The following HSPA13 variants were observed in gnomAD, a reference collection of about 807,000 sequenced individuals.
HSPA13 encodes heat shock 70 kDa protein 13.
Under a neutral mutation model 38.8 loss-of-function variants are expected in HSPA13, and 29 were observed. The ratio of observed to expected loss-of-function variants is 0.75; its 90% CI spans 0.56 to 1.02. HSPA13 has a LOEUF of 1.02. Ranked by LOEUF, HSPA13 falls within the 50% of genes least tolerant of loss-of-function variation. HSPA13 has a pLI of 0.00. For synonymous variants in HSPA13, 192 were observed against 205.3 expected (o/e 0.94, Z 0.56); for missense variants, 451 against 560.9 (o/e 0.80, Z 1.98).
intron 2 of HSPA13, 32 bp from the exon 3 acceptor site, chr21:14,378,444 A>G (rs1324880506): frequency 7.1e-7 from 1 of 1,403,404 alleles, no homozygotes; most frequent in East Asian, 2.3e-5. Flanking sequence ...AAGTAAATAA[A>G]TAAAAGAGTA....
chr21:14,378,432 A>G lies in HSPA13; in HGVS notation c.367-20T>C. ...TAAAACCTGTGAATAGGATTTGCAA[A>G]TAAGTAAATAAATAAAAGAGTAAAA... On this transcript the variant is annotated intron_variant, in intron 2 of 4. Coordinates refer to ENST00000285667, the MANE Select transcript of HSPA13 (RefSeq NM_006948.5). 1.3e-6 allele frequency: 2 copies of G among 1,487,708 alleles called. No homozygotes were observed. The highest frequency in any genetic ancestry group is 1.9e-6 in the Non-Finnish European group (2 of 1,065,914). The allele number at this position is 1,487,708 out of a possible 1,614,324, so 92.2% of individuals were successfully genotyped here.
In HSPA13 at chr21:14,381,183, A is replaced by C; in HGVS notation, c.366+20T>G. 1 of 1,538,830 alleles carries C rather than the reference A, an allele frequency of 6.5e-7. No individual in the cohort carries two copies. Among genetic ancestry groups the C allele is most frequent in the Non-Finnish European group, 8.8e-7 (1 of 1,132,916 alleles). On this transcript the variant is annotated intron_variant, in intron 2 of 4. Coordinates refer to ENST00000285667, the MANE Select transcript of HSPA13 (RefSeq NM_006948.5). The stretch of plus-strand genomic sequence containing the variant: ...AAAGAGTACACTAAAATTAATATAG[A>C]TTTTAGATTAATCACTTACCTTAAA...
intron 3 of HSPA13, among the ~76,000 whole-genome samples, chr21:14,376,269 C>T (rs1366174166): frequency 2.0e-5 from 3 of 152,034 alleles, no homozygotes; most frequent in Non-Finnish European, 4.4e-5. Flanking sequence ...AAAAATGAGC[C>T]GGGCGTGGTG....
In HSPA13 at chr21:14,373,680, C is replaced by G; in HGVS notation, c.1353G>C (p.Trp451Cys). ...TTTCTAAAGCACTGACTTGGAGAGG[C>G]CAAGAGCCTCCATCAATCCCTGCTT... ...AIQAGIDGGSWPLQVSALEIP... is the reference protein window; with the variant it reads ...AIQAGIDGGSCPLQVSALEIP... The change falls in exon 5 of 5, where the codon TGG (tryptophan) becomes TGC (cysteine). Residue 451 changes from tryptophan to cysteine, a missense_variant. Physicochemically the swap from Trp to Cys is radical, Grantham distance 215 (BLOSUM62 -2). Transcript: ENST00000285667. 1 of 1,614,106 alleles carries G rather than the reference C, an allele frequency of 6.2e-7. No homozygotes were observed. Among genetic ancestry groups the G allele is most frequent in the Non-Finnish European group, 8.5e-7 (1 of 1,180,020 alleles).
intron 1 of HSPA13, 138 bp from the exon 2 acceptor site, chr21:14,381,681 TG>T: frequency 3.3e-6 from 2 of 600,840 alleles, no homozygotes; most frequent in Non-Finnish European, 5.4e-6. Flanking sequence ...ATAGGACTGC[TG>T]ATAGCACTCC....
At chr21:14,375,887 A>T (rs1984008453) in intron 3 of HSPA13, 68 bp from the exon 4 acceptor site, 1 of 1,298,222 alleles carries the variant, frequency 7.7e-7, no homozygotes, top group Admixed American at 1.8e-5. Context: ...TCCCACTTAC[A>T]GCATGTTTGT....
intron 4 of HSPA13, 31 bp downstream of exon 4, chr21:14,375,621 T>C (rs1362230244): frequency 1.3e-6 from 2 of 1,596,318 alleles, no homozygotes; most frequent in Admixed American, 1.7e-5. Flanking sequence ...CGTGAGCCAC[T>C]GCGCCCAGCC....
rs1466246856 is a variant in HSPA13, at chr21:14,372,803, T to G, written c.*814A>C. ...AAGGTCTCGGATAACAAAAATAAGA[T>G]AGCAATCATGGCTTTATTATGACAT... On this transcript the variant is annotated 3_prime_UTR_variant, in exon 5 of 5. Coordinates refer to ENST00000285667, the MANE Select transcript of HSPA13 (RefSeq NM_006948.5). The G allele has an allele frequency of 6.6e-6, 1 of 152,134 alleles. No homozygotes were observed. Among genetic ancestry groups the G allele is most frequent in the African/African-American group, 2.4e-5 (1 of 41,440 alleles). The allele number at this position is 152,134 out of a possible 1,614,324, so 9.4% of individuals were successfully genotyped here.
In HSPA13 at chr21:14,373,951, A is replaced by G. The variant is rs1205509951; in HGVS notation, c.1082T>C (p.Phe361Ser). 3 of 1,614,070 alleles carry G rather than the reference A, an allele frequency of 1.9e-6. No individual in the cohort carries two copies. The highest frequency in any genetic ancestry group is 2.2e-5 in the East Asian group (1 of 44,892). The stretch of plus-strand genomic sequence containing the variant: ...GAGTTTCCGTGATATTTCTGTTTCA[A>G]ATAAAACCTGACTTTCTCCACTTTT... ...DKKSGESQVLFETEISRKLFD... is the reference protein window; with the variant it reads ...DKKSGESQVLSETEISRKLFD... The change falls in exon 5 of 5, where the codon TTT becomes TCT. Residue 361 changes from phenylalanine (F) to serine (S), a missense_variant. Physicochemically the swap from Phe to Ser is radical, Grantham distance 155 (BLOSUM62 -2). Transcript: ENST00000285667.
chr21:14,377,993 G>C (rs1984070695), intron 3 of HSPA13, among the ~76,000 whole-genome samples: 1 of 152,208 alleles, frequency 6.6e-6, no homozygotes, highest in South Asian at 2.1e-4. Context: ...GTGATAGTGT[G>C]AGTCAATACA....
chr21:14,375,884 T>TA, intron 3 of HSPA13, 65 bp from the exon 4 acceptor site: 2 of 1,312,422 alleles, frequency 1.5e-6, no homozygotes, highest in South Asian at 2.5e-5. Context: ...TCTTCCCACT[T>TA]ACAGCATGTT....
intron 4 of HSPA13, 76 bp from the exon 5 acceptor site, chr21:14,374,360 T>C: frequency 9.9e-7 from 1 of 1,006,264 alleles, no homozygotes; most frequent in Non-Finnish European, 1.4e-6. Flanking sequence ...TATGTATACG[T>C]AAAAATTATA....
chr21:14,375,651 C>G lies in HSPA13; in HGVS notation c.748+1G>C. 1 of 1,612,624 alleles carries G rather than the reference C, an allele frequency of 6.2e-7. No homozygotes were observed. Among genetic ancestry groups the G allele is most frequent in the Non-Finnish European group, 8.5e-7 (1 of 1,179,010 alleles). On this transcript the variant is annotated splice_donor_variant, in intron 4 of 4. Coordinates refer to ENST00000285667, the MANE Select transcript of HSPA13 (RefSeq NM_006948.5). LOFTEE classifies it high-confidence loss of function. ...CCAGCCTCTCCCTGCATTTTTCTTA[C>G]CAGACATTGCTCGGGTTAGAAACAT...
chr21:14,376,972 T>C (rs956499970), intron 3 of HSPA13, among the ~76,000 whole-genome samples: 1 of 152,220 alleles, frequency 6.6e-6, no homozygotes, highest in Non-Finnish European at 1.5e-5. Flanking sequence ...TATCAGTGGC[T>C]CTCAACAAGA....
intron 2 of HSPA13, among the ~76,000 whole-genome samples, chr21:14,379,955 G>A (rs562594623): frequency 1.3e-5 from 2 of 151,952 alleles, no homozygotes; most frequent in Non-Finnish European, 2.9e-5. Context: ...AGAGGTTGCA[G>A]TGAGCCAAGA....
At chr21:14,379,165 T>A (rs2123527128) in intron 2 of HSPA13, among the ~76,000 whole-genome samples, 1 of 149,346 alleles carries the variant, frequency 6.7e-6, no homozygotes, top group South Asian at 2.2e-4. Flanking sequence ...TTTTAGTACA[T>A]CATTATGTAC....
At chr21:14,380,444 A>AT (rs1377660097) in intron 2 of HSPA13, among the ~76,000 whole-genome samples, 1 of 152,006 alleles carries the variant, frequency 6.6e-6, no homozygotes, top group Non-Finnish European at 1.5e-5. Flanking sequence ...CACTAAAAAA[A>AT]ATCAAAATAA....
chr21:14,381,616 C>T (rs1984172604), intron 1 of HSPA13, 73 bp from the exon 2 acceptor site: 2 of 1,246,316 alleles, frequency 1.6e-6, no homozygotes, highest in Non-Finnish European at 1.1e-6. Context: ...TAGCAAAGTC[C>T]CTTTAATATC....
intron 3 of HSPA13, among the ~76,000 whole-genome samples, chr21:14,376,277 G>C (rs1984024120): frequency 6.6e-6 from 1 of 152,176 alleles, no homozygotes; most frequent in Non-Finnish European, 1.5e-5. Flanking sequence ...GCCGGGCGTG[G>C]TGGCGGGCGC....
Sources: allele counts gnomAD v4.1 joint callset (sites outside exome capture counted in the v4.1 genomes callset), GRCh38; gene constraint gnomAD v4.1.1; transcripts MANE v1.5; gene names NCBI Gene and HGNC (gene_info 2026-07-23, HGNC 2026-07-21).